Variants in SPEF2 observed in about 807,000 individuals in gnomAD.
SPEF2 encodes the protein sperm flagellar and cilia associated 2, also known as sperm flagella and cilia-associated protein 2.
In SPEF2, 187 loss-of-function variants were observed where a neutral mutation model predicts 224.6. That is an observed-to-expected ratio of 0.83 (90% CI 0.74 to 0.94). The LOEUF (loss-of-function observed/expected upper bound fraction) is 0.94. Ranked by LOEUF, SPEF2 falls within the 40% of genes least tolerant of loss-of-function variation. SPEF2 has a pLI of 0.00. For missense variants in SPEF2, 2,170 were observed against 2,135.6 expected, an observed-to-expected ratio of 1.02 and a Z score of -0.32; for synonymous variants, 715 against 707.3, an observed-to-expected ratio of 1.01 and a Z score of -0.17.
chr5:35,753,133 G>C (rs1282853552), intron 23 of SPEF2, among the ~76,000 whole-genome samples: 1 of 151,684 alleles, frequency 6.6e-6, no homozygotes, highest in East Asian at 1.9e-4. Flanking sequence ...TTAATACAAA[G>C]CTTACTTTTA....
intron 30 of SPEF2, chr5:35,791,616 A>G (rs1448880296): frequency 1.3e-5 from 2 of 152,114 alleles, no homozygotes; most frequent in Non-Finnish European, 2.9e-5. Context: ...TTTTTTTAAA[A>G]GCAGATTCAT....
rs1351427524 is a variant in SPEF2 at position 35,628,459 on chromosome 5, G to A, written c.59-1G>A. ...TTTTATCTCAATGTTTTGAAACTCA[G>A]GTCCCAAGTCATTTGCAAAGGCATT... On this transcript the variant is annotated splice_acceptor_variant, in intron 1 of 36. Coordinates refer to ENST00000356031, the MANE Select transcript of SPEF2 (RefSeq NM_024867.4). LOFTEE classifies it high-confidence loss of function. 2 of 1,607,230 alleles carry A rather than the reference G, an allele frequency of 1.2e-6. No individual in the cohort carries two copies. The highest frequency in any genetic ancestry group is 2.2e-5 in the East Asian group (1 of 44,820).
chr5:35,780,849 A>C (rs1465522515), intron 30 of SPEF2, among the ~76,000 whole-genome samples: 1 of 152,220 alleles, frequency 6.6e-6, no homozygotes, highest in Non-Finnish European at 1.5e-5. Flanking sequence ...GTAGAAGTGG[A>C]TTTTGAAAAT....
chr5:35,671,360 T>C, intron 10 of SPEF2: 1 of 958,354 alleles, frequency 1.0e-6, no homozygotes, highest in African/African-American at 1.8e-5. Context: ...TTTAATTAAA[T>C]GAATCTGTAT....
At chr5:35,644,207 GTAATTGGAA>G in intron 3 of SPEF2, 139 bp from the exon 4 acceptor site, 1 of 600,142 alleles carries the variant, frequency 1.7e-6, no homozygotes, top group Non-Finnish European at 2.7e-6. Context: ...AAGAATATGA[GTAATTGGAA>G]TGGGGTTTGA....
chr5:35,685,952 G>A (rs1050729506), intron 10 of SPEF2, among the ~76,000 whole-genome samples: 8 of 151,512 alleles, frequency 5.3e-5, no homozygotes, highest in Admixed American at 4.6e-4. Context: ...GAAATATAAT[G>A]TACCCTGTCT....
chr5:35,788,055 C>A, intron 30 of SPEF2: 1 of 702,886 alleles, frequency 1.4e-6, no homozygotes, highest in Non-Finnish European at 2.6e-6. Context: ...GGAGTGAAGT[C>A]AGGGGGAAGT....
At chr5:35,646,551 A>G in intron 4 of SPEF2, 116 bp from the exon 5 acceptor site, 1 of 985,898 alleles carries the variant, frequency 1.0e-6, no homozygotes, top group Non-Finnish European at 1.5e-6. Flanking sequence ...CTCTTGGCTA[A>G]TTGCTGGGTT....
chr5:35,697,781 T>C lies in SPEF2; in HGVS notation c.2129T>C (p.Val710Ala). 6.2e-7 allele frequency: 1 copy of C among 1,610,326 alleles called. No homozygotes were observed. Among genetic ancestry groups the C allele is most frequent in the Non-Finnish European group, 8.5e-7 (1 of 1,177,410 alleles). The change falls in exon 15 of 37, where the codon GTA becomes GCA. Residue 710 changes from valine to alanine, a missense_variant. By Grantham distance (64) the Val-to-Ala change is moderately conservative (BLOSUM62 0). Transcript: ENST00000356031. Reference sequence around the variant, plus strand: ...GATGTGCTGCTTGTTGACATCATAGTAAATGCTATTAAGTATGTATTGCAT... The same window carrying C: ...GATGTGCTGCTTGTTGACATCATAGCAAATGCTATTAAGTATGTATTGCAT... The part of the protein sequence containing the change: ...IPDVLLVDII[V>A]NAINEIPVNQ...
At chr5:35,638,885 C>T (rs1746200760) in intron 2 of SPEF2, among the ~76,000 whole-genome samples, 2 of 152,118 alleles carry the variant, frequency 1.3e-5, no homozygotes, top group African/African-American at 4.8e-5. Flanking sequence ...AGTATATCTG[C>T]TTAACCATGG....
chr5:35,741,584 T>C (rs571279077), intron 23 of SPEF2, among the ~76,000 whole-genome samples: 1 of 152,252 alleles, frequency 6.6e-6, no homozygotes, highest in African/African-American at 2.4e-5. Context: ...ACAGGAAGCA[T>C]TGCTATCTGG....
intron 6 of SPEF2, among the ~76,000 whole-genome samples, chr5:35,650,637 C>T (rs1748056597): frequency 6.6e-6 from 1 of 152,196 alleles, no homozygotes; most frequent in Non-Finnish European, 1.5e-5. Context: ...CACAGTTTAG[C>T]AACCATAGTT....
intron 10 of SPEF2, among the ~76,000 whole-genome samples, chr5:35,690,200 T>A (rs1406386909): frequency 6.6e-6 from 1 of 152,064 alleles, no homozygotes; most frequent in East Asian, 1.9e-4. Context: ...AACATTTATC[T>A]TTTCTTTATG....
At chr5:35,656,668 A>G (rs941706605) in intron 7 of SPEF2, among the ~76,000 whole-genome samples, 14 of 152,218 alleles carry the variant, frequency 9.2e-5, no homozygotes, top group African/African-American at 3.4e-4. Flanking sequence ...GGAAAATGGA[A>G]TAAATGAATT....
intron 21 of SPEF2, among the ~76,000 whole-genome samples, chr5:35,728,919 T>A (rs958961058): frequency 2.0e-5 from 3 of 151,940 alleles, no homozygotes; most frequent in African/African-American, 7.2e-5. Context: ...AAGCAAGATA[T>A]AGAAGTGGGT....
intron 2 of SPEF2, among the ~76,000 whole-genome samples, chr5:35,639,947 C>G (rs563388774): frequency 1.3e-4 from 20 of 152,064 alleles, no homozygotes; most frequent in African/African-American, 4.8e-4. Context: ...GAGTAGGCTT[C>G]CACCAATTTA....
chr5:35,621,166 C>T (rs942567144), intron 1 of SPEF2, among the ~76,000 whole-genome samples: 3 of 152,046 alleles, frequency 2.0e-5, no homozygotes, highest in African/African-American at 7.2e-5. Flanking sequence ...GTTGAAATAT[C>T]GTAAGCATAT....
At chr5:35,795,838 A>G (rs761514100) in intron 33 of SPEF2, 43 bp downstream of exon 33, 6 of 1,503,610 alleles carry the variant, frequency 4.0e-6, no homozygotes. Flanking sequence ...TATAGCACTA[A>G]TCATTTTCTT....
At chr5:35,651,906 A>AT (rs1748238844) in intron 6 of SPEF2, among the ~76,000 whole-genome samples, 1 of 151,920 alleles carries the variant, frequency 6.6e-6, no homozygotes, top group South Asian at 2.1e-4. Context: ...AGGTTCCTCC[A>AT]TTTTTTCATT....
Sources: gnomAD v4.1 joint callset for allele counts (sites outside exome capture counted in the v4.1 genomes callset) on GRCh38, gnomAD v4.1.1 for gene constraint, MANE v1.5 for transcripts, NCBI Gene and HGNC (gene_info 2026-07-23, HGNC 2026-07-21) for gene names.